WDPCP: variants seen among roughly 807,000 people sequenced by gnomAD.
The protein encoded by WDPCP is WD repeat-containing and planar cell polarity effector protein fritz homolog.
In WDPCP, 71 loss-of-function variants were observed where a neutral mutation model predicts 93.1. The observed-to-expected ratio is 0.76, with a 90% CI of 0.63 to 0.93. The LOEUF (loss-of-function observed/expected upper bound fraction) is 0.93. Ranked by LOEUF, WDPCP falls within the 40% of genes least tolerant of loss-of-function variation. The pLI is 0.00. For synonymous variants in WDPCP, 315 were observed against 315.0 expected (o/e 1.00, Z 0.00); for missense variants, 844 against 887.4 (o/e 0.95, Z 0.62).
intron 3 of WDPCP, chr2:63,597,281 G>C (rs1355676060): frequency 8.0e-7 from 1 of 1,251,088 alleles, no homozygotes; most frequent in East Asian, 3.0e-5. Context: ...ATGTATATCA[G>C]TGTGATATGT....
At chr2:63,837,859 T>C in the WDPCP span, among the ~76,000 whole-genome samples, 3 of 152,316 alleles carry the variant, frequency 2.0e-5, no homozygotes, top group African/African-American at 7.2e-5. Flanking sequence ...ATTCCAGCAC[T>C]TGAGGAGTCT....
chr2:63,712,649 T>C (rs1280420562), intron 2 of WDPCP, among the ~76,000 whole-genome samples: 1 of 152,202 alleles, frequency 6.6e-6, no homozygotes, highest in Non-Finnish European at 1.5e-5. Flanking sequence ...GGTTCAAAAA[T>C]TCCACTTCAG....
intron 15 of WDPCP, among the ~76,000 whole-genome samples, chr2:63,161,596 C>T (rs1553544503): frequency 6.6e-6 from 1 of 151,470 alleles, no homozygotes; most frequent in Non-Finnish European, 1.5e-5. Flanking sequence ...GAAAATAAAA[C>T]AAAAAAAGCC....
At chr2:63,604,001 G>T (rs1480497036) in intron 3 of WDPCP, among the ~76,000 whole-genome samples, 5 of 152,212 alleles carry the variant, frequency 3.3e-5, no homozygotes, top group Non-Finnish European at 1.5e-5. Flanking sequence ...TGTACTACAT[G>T]TGATTGCAAG....
intron 3 of WDPCP, among the ~76,000 whole-genome samples, chr2:63,636,561 A>G (rs1394755818): frequency 6.6e-6 from 1 of 152,138 alleles, no homozygotes; most frequent in Non-Finnish European, 1.5e-5. Flanking sequence ...TCAGCCTCCC[A>G]TGTATCTGGG....
chr2:63,818,910 G>A (rs1670977248), intron 1 of WDPCP, among the ~76,000 whole-genome samples: 3 of 152,092 alleles, frequency 2.0e-5, no homozygotes, highest in Non-Finnish European at 4.4e-5. Context: ...AAGTGGTGGC[G>A]ATTATATGGG....
At chr2:63,675,655 A>T (rs991677425) in intron 2 of WDPCP, among the ~76,000 whole-genome samples, 3 of 152,174 alleles carry the variant, frequency 2.0e-5, no homozygotes, top group Admixed American at 1.3e-4. Flanking sequence ...TGGAATGGTA[A>T]GAAAATGTTT....
chr2:63,530,603 C>T (rs1440129731), intron 1 of WDPCP, among the ~76,000 whole-genome samples: 1 of 152,168 alleles, frequency 6.6e-6, no homozygotes, highest in Non-Finnish European at 1.5e-5. Flanking sequence ...GTTGATACCT[C>T]AGCTACTCTG....
intron 12 of WDPCP, among the ~76,000 whole-genome samples, chr2:63,356,321 A>G (rs1690019613): frequency 6.6e-6 from 1 of 152,198 alleles, no homozygotes; most frequent in Non-Finnish European, 1.5e-5. Context: ...CTCCCACACA[A>G]TAATAGTGGG....
At chr2:63,722,768 C>T (rs2103797358) in intron 2 of WDPCP, among the ~76,000 whole-genome samples, 2 of 152,162 alleles carry the variant, frequency 1.3e-5, no homozygotes, top group South Asian at 4.1e-4. Context: ...CGGCCAGCCG[C>T]CCCGTCTGGG....
chr2:63,483,852 A>C (rs140670424), intron 6 of WDPCP, among the ~76,000 whole-genome samples: 1,524 of 152,074 alleles, frequency 0.01, 15 homozygotes, highest in Non-Finnish European at 0.016. Context: ...TAAGCCTATC[A>C]GCAAAGCTAA....
At chr2:63,263,219 AGCCTAGGAAT>A (rs1384494294) in intron 13 of WDPCP, among the ~76,000 whole-genome samples, 1 of 152,230 alleles carries the variant, frequency 6.6e-6, no homozygotes, top group Non-Finnish European at 1.5e-5. Context: ...TGATAGATTT[AGCCTAGGAAT>A]TTAGTTTAAA....
At chr2:63,588,899 C>A, upstream of WDPCP, 1 of 1,083,868 alleles carries the variant, frequency 9.2e-7, no homozygotes, top group Non-Finnish European at 1.4e-6. Context: ...GCGTAAACTA[C>A]AGTTCCCAGA....
At chr2:63,684,491 G>A (rs1265080592) in intron 2 of WDPCP, 3 of 755,646 alleles carry the variant, frequency 4.0e-6, no homozygotes, top group African/African-American at 1.7e-5. Context: ...GAAGAAGATC[G>A]CCAAGAGGTC....
intron 14 of WDPCP, among the ~76,000 whole-genome samples, chr2:63,258,459 C>T (rs191810923): frequency 6.6e-6 from 1 of 152,144 alleles, no homozygotes; most frequent in Non-Finnish European, 1.5e-5. Context: ...CAATTGGTCC[C>T]TTTGGCTGCA....
At chr2:63,571,440 A>C (rs1310236675) in intron 1 of WDPCP, 1 of 466,580 alleles carries the variant, frequency 2.1e-6, no homozygotes, top group African/African-American at 2.0e-5. Flanking sequence ...TTCAGCCTGA[A>C]GAATTTCCTT....
intron 12 of WDPCP, among the ~76,000 whole-genome samples, chr2:63,319,567 C>T (rs1686929609): frequency 6.6e-6 from 1 of 152,148 alleles, no homozygotes; most frequent in Admixed American, 6.6e-5. Flanking sequence ...AGAGAACCAC[C>T]TCCTGGGTTC....
intron 1 of WDPCP, among the ~76,000 whole-genome samples, chr2:63,526,722 G>A (rs1703365332): frequency 1.3e-5 from 2 of 152,106 alleles, no homozygotes; most frequent in Admixed American, 1.3e-4. Context: ...AGATCTCTTT[G>A]CAAATGTTGT....
At chr2:63,693,413 GCTATAGACTA>G (rs1389423379) in intron 2 of WDPCP, among the ~76,000 whole-genome samples, 32 of 151,668 alleles carry the variant, frequency 2.1e-4, no homozygotes, top group Admixed American at 1.3e-3. Flanking sequence ...AGAAAAGATG[GCTATAGACTA>G]CAGTAGATAT....
Sources: allele counts gnomAD v4.1 joint callset (sites outside exome capture counted in the v4.1 genomes callset), GRCh38; gene constraint gnomAD v4.1.1; transcripts MANE v1.5; gene names NCBI Gene and HGNC (gene_info 2026-07-23, HGNC 2026-07-21).